Variants in ZNF804A observed in about 807,000 individuals in gnomAD.
The protein encoded by ZNF804A is zinc finger protein 804A.
Under a neutral mutation model 16.5 loss-of-function variants are expected in ZNF804A, and 2 were observed. The ratio of observed to expected loss-of-function variants is 0.12; its 90% CI spans 0.05 to 0.38. The LOEUF (loss-of-function observed/expected upper bound fraction) is 0.38. Ranked by LOEUF, ZNF804A falls within the 10% of genes least tolerant of loss-of-function variation. The probability of loss-of-function intolerance (pLI) is 0.99; values close to 1 mark genes in which losing one functional copy is unlikely to be tolerated. For synonymous variants in ZNF804A, 534 were observed against 489.6 expected (o/e 1.09, Z -1.20); for missense variants, 1,473 against 1,390.7 (o/e 1.06, Z -0.94).
intron 1 of ZNF804A, among the ~76,000 whole-genome samples, chr2:184,860,715 C>G (rs771858048): frequency 1.3e-5 from 2 of 152,188 alleles, no homozygotes; most frequent in African/African-American, 4.8e-5. Flanking sequence ...ATGCCACAGG[C>G]AGTGGCATGG....
At chr2:184,899,740 CTTAT>C (rs1685147087) in intron 2 of ZNF804A, among the ~76,000 whole-genome samples, 2 of 151,550 alleles carry the variant, frequency 1.3e-5, no homozygotes, top group African/African-American at 2.4e-5. Flanking sequence ...AAATTTGAAT[CTTAT>C]TTGTTTCTGT....
At chr2:184,649,456 A>G (rs1042059595) in intron 1 of ZNF804A, among the ~76,000 whole-genome samples, 14 of 152,076 alleles carry the variant, frequency 9.2e-5, no homozygotes, top group African/African-American at 3.1e-4. Flanking sequence ...TGAAATTGAG[A>G]ATGCATACAA....
intron 1 of ZNF804A, among the ~76,000 whole-genome samples, chr2:184,756,696 G>A (rs1693963896): frequency 6.6e-6 from 1 of 151,994 alleles, no homozygotes; most frequent in Admixed American, 6.6e-5. Context: ...TGGTCTTAAT[G>A]TGTGTATGTA....
intron 1 of ZNF804A, among the ~76,000 whole-genome samples, chr2:184,620,176 A>T (rs572270552): frequency 6.6e-6 from 1 of 151,998 alleles, no homozygotes; most frequent in South Asian, 2.1e-4. Context: ...ATGATAGGTT[A>T]TTGAGCTCTA....
At chr2:184,742,786 GTATATAACTATATGTGTGTGTATA>G (rs1247414146) in intron 1 of ZNF804A, among the ~76,000 whole-genome samples, 1 of 151,482 alleles carries the variant, frequency 6.6e-6, no homozygotes, top group Non-Finnish European at 1.5e-5. Flanking sequence ...GTGTGTGTAT[GTATATAACTATATGTGTGTGTATA>G]TATATAACTA....
chr2:184,665,772 C>A (rs560022549), intron 1 of ZNF804A, among the ~76,000 whole-genome samples: 2 of 152,184 alleles, frequency 1.3e-5, no homozygotes, highest in African/African-American at 4.8e-5. Flanking sequence ...CTGCTATCTG[C>A]TTCTGGAAGT....
chr2:184,650,414 C>T (rs1691962181), intron 1 of ZNF804A, among the ~76,000 whole-genome samples: 1 of 152,072 alleles, frequency 6.6e-6, no homozygotes, highest in African/African-American at 2.4e-5. Context: ...CAAGGATGCC[C>T]ACTTTCACTG....
At chr2:184,714,953 T>C (rs1418919167) in intron 1 of ZNF804A, among the ~76,000 whole-genome samples, 1 of 152,136 alleles carries the variant, frequency 6.6e-6, no homozygotes, top group East Asian at 1.9e-4. Context: ...AAGAAGTAAA[T>C]ATTGAAGGAT....
At position 184,715,227 on chromosome 2, in the gene ZNF804A, T is replaced by C. The variant is rs970257436; in HGVS notation, c.111+116157T>C. On this transcript the variant is annotated intron_variant, in intron 1 of 3. Transcript: ENST00000302277. ...AGTGTAATTTGGACAAGACCTATTA[T>C]TGGGTAATGAGGACTAGGTGACACA... Among the ~76,000 whole-genome samples the C allele has an allele frequency of 3.3e-5, 5 of 152,282 alleles. No homozygotes were observed. The South Asian group carries it at 1.0e-3, about 32-fold the overall frequency.
intron 1 of ZNF804A, among the ~76,000 whole-genome samples, chr2:184,803,517 TATATGTGAATTATC>T (rs1311818624): frequency 6.6e-6 from 1 of 152,174 alleles, no homozygotes; most frequent in Non-Finnish European, 1.5e-5. Flanking sequence ...TGTCCAGAAC[TATATGTGAATTATC>T]ATATGTGCTA....
intron 2 of ZNF804A, among the ~76,000 whole-genome samples, chr2:184,874,641 T>C (rs1696024819): frequency 6.6e-6 from 1 of 152,192 alleles, no homozygotes; most frequent in Non-Finnish European, 1.5e-5. Flanking sequence ...TCAAATTTCA[T>C]TTTGTTAAAC....
intron 1 of ZNF804A, among the ~76,000 whole-genome samples, chr2:184,612,918 AAC>A (rs894619965): frequency 6.6e-6 from 1 of 152,240 alleles, no homozygotes; most frequent in Non-Finnish European, 1.5e-5. Context: ...AATAAATCAA[AAC>A]ACACAGATCT....
At chr2:184,799,351 C>T (rs1254815595) in intron 1 of ZNF804A, among the ~76,000 whole-genome samples, 1 of 152,034 alleles carries the variant, frequency 6.6e-6, no homozygotes, top group African/African-American at 2.4e-5. Context: ...ATATAAACCC[C>T]ACTTAGTGAT....
intron 3 of ZNF804A, among the ~76,000 whole-genome samples, chr2:184,935,317 G>A (rs1685766747): frequency 6.6e-6 from 1 of 152,130 alleles, no homozygotes; most frequent in South Asian, 2.1e-4. Context: ...AATGCTGGGT[G>A]AATTGAATTG....
At chr2:184,798,399 C>T (rs1365673275) in intron 1 of ZNF804A, among the ~76,000 whole-genome samples, 1 of 151,746 alleles carries the variant, frequency 6.6e-6, no homozygotes, top group East Asian at 1.9e-4. Flanking sequence ...GGTCATTTAA[C>T]ATAATCCCAA....
intron 1 of ZNF804A, among the ~76,000 whole-genome samples, chr2:184,735,351 C>A (rs2105749710): frequency 6.6e-6 from 1 of 152,076 alleles, no homozygotes; most frequent in East Asian, 1.9e-4. Context: ...AACAGAAAAC[C>A]AAACACTGCA....
chr2:184,903,109 G>A (rs964369238), intron 2 of ZNF804A, among the ~76,000 whole-genome samples: 3 of 152,078 alleles, frequency 2.0e-5, no homozygotes, highest in Admixed American at 1.3e-4. Context: ...TTGTTTCTCT[G>A]TAATACAGAT....
At chr2:184,729,777 A>AT (rs1693482319) in intron 1 of ZNF804A, among the ~76,000 whole-genome samples, 1 of 152,144 alleles carries the variant, frequency 6.6e-6, no homozygotes, top group Non-Finnish European at 1.5e-5. Context: ...CAAATGTGTC[A>AT]TGCCAACATA....
At chr2:184,837,397 T>C (rs537603742) in intron 1 of ZNF804A, among the ~76,000 whole-genome samples, 2 of 152,228 alleles carry the variant, frequency 1.3e-5, no homozygotes, top group Admixed American at 6.6e-5. Context: ...ACATTAGATA[T>C]GATGGCTTCT....
Sources: gnomAD v4.1 joint callset for allele counts (sites outside exome capture counted in the v4.1 genomes callset) on GRCh38, gnomAD v4.1.1 for gene constraint, MANE v1.5 for transcripts, NCBI Gene and HGNC (gene_info 2026-07-23, HGNC 2026-07-21) for gene names.